Variants in HAS1 observed in about 807,000 individuals in gnomAD.
HAS1 encodes the protein HA synthase 1.
Under a neutral mutation model 35.0 loss-of-function variants are expected in HAS1, and 27 were observed. The observed-to-expected ratio is 0.77, with a 90% CI of 0.57 to 1.06. The LOEUF (loss-of-function observed/expected upper bound fraction) is 1.06, where lower values mean the gene tolerates loss of function less well. HAS1 is among the 50% of genes least tolerant of loss of function. The pLI is 0.00. For synonymous variants in HAS1, 409 were observed against 371.2 expected, an observed-to-expected ratio of 1.10 and a Z score of -1.17; for missense variants, 940 against 814.8, an observed-to-expected ratio of 1.15 and a Z score of -1.87.
rs1484663502 is a variant in HAS1, at chr19:51,713,889, C to A, written c.1272G>T (p.Ala424=). 3 of 1,606,230 alleles carry A rather than the reference C, an allele frequency of 1.9e-6. No homozygotes were observed. The highest frequency in any genetic ancestry group is 3.3e-5 in the Admixed American group (2 of 59,988). The change falls in exon 5 of 5, where the codon GCG becomes GCT. Residue 424 remains alanine, a synonymous_variant. Coordinates refer to ENST00000540069, the MANE Select transcript of HAS1 (RefSeq NM_001297436.2). This position sits in a 1 kb window ranked among gnomAD's most constrained non-coding sequence, Gnocchi z 4.5. ...CCCACAGCAGCGCCCAAGGGCGGCC[C>A]GCGTAGAACAGACGCAGCACAGTGG... ...VAATVLRLFY[A]GRPWALLWVL...
intron 1 of HAS1, among the ~76,000 whole-genome samples, chr19:51,720,749 A>G (rs192035370): frequency 1.3e-3 from 191 of 152,204 alleles, no homozygotes; most frequent in Middle Eastern, 6.8e-3. Flanking sequence ...ATGAGCCACC[A>G]AGCCCAGCCT....
chr19:51,717,244 T>C (rs748360163), intron 2 of HAS1, 51 bp from the exon 3 acceptor site: 1 of 1,273,872 alleles, frequency 7.9e-7, no homozygotes, highest in Non-Finnish European at 1.1e-6. Flanking sequence ...ATCAGGCTGA[T>C]GCTTGAGAGG....
Position 51,713,980 on chromosome 19 carries a change from T to A in HAS1, c.1181A>T (p.His394Leu). 1.2e-6 allele frequency: 2 copies of A among 1,613,476 alleles called. No homozygotes were observed. Among genetic ancestry groups the A allele is most frequent in the African/African-American group, 1.3e-5 (1 of 75,056 alleles). ...REWLYNALWW[H>L]RHHAWMTYEA... ...GTAGGTCATCCACGCATGGTGCCGG[T>A]GCCACCAGAGCGCGTTGTACAGCCA... The change falls in exon 5 of 5, where the codon CAC (histidine) becomes CTC (leucine). Residue 394 changes from histidine (H) to leucine (L), a missense_variant. Transcript: ENST00000540069. This position sits in a 1 kb window ranked among gnomAD's most constrained non-coding sequence, Gnocchi z 4.5.
chr19:51,713,635 G>A lies in HAS1; in HGVS notation c.1526C>T (p.Ala509Val), dbSNP rs755181313. The change falls in exon 5 of 5, where the codon GCG becomes GTG. Residue 509 changes from alanine to valine, a missense_variant. Physicochemically the swap from Ala to Val is moderately conservative, Grantham distance 64 (BLOSUM62 0). Coordinates refer to ENST00000540069, the MANE Select transcript of HAS1 (RefSeq NM_001297436.2). This position sits in a 1 kb window ranked among gnomAD's most constrained non-coding sequence, Gnocchi z 4.5. ...YVPLLPLALWALLLLGGLVRS... is the reference protein window; with the variant it reads ...YVPLLPLALWVLLLLGGLVRS... ...GACCAGGCCCCCAAGCAGCAGCAGC[G>A]CCCAGAGCGCCAGGGGCAGCAGAGG... 3 of 1,564,328 alleles carry A rather than the reference G, an allele frequency of 1.9e-6. No homozygotes were observed. Among genetic ancestry groups the A allele is most frequent in the East Asian group, 4.8e-5 (2 of 41,868 alleles).
At position 51,713,673 on chromosome 19, in the gene HAS1, G is replaced by T. The variant is rs774121114; in HGVS notation, c.1488C>A (p.Ala496=). 1.9e-6 allele frequency: 3 copies of T among 1,585,108 alleles called. No individual in the cohort carries two copies. Among genetic ancestry groups the T allele is most frequent in the Non-Finnish European group, 2.6e-6 (3 of 1,167,096 alleles). The change falls in exon 5 of 5, where the codon GCC becomes GCA. Residue 496 remains alanine, a synonymous_variant. Coordinates refer to ENST00000540069, the MANE Select transcript of HAS1 (RefSeq NM_001297436.2). The surrounding 1 kb of genome is among the most constrained non-coding windows in gnomAD (Gnocchi z 4.5). ...GGGGCAGCAGAGGGACGTAGTTAGC[G>T]GCCAGCTTCCGCCGGCCCGAGGTGC... The part of the protein sequence containing the change: ...GWGTSGRRKL[A]ANYVPLLPLA...
In HAS1 at chr19:51,713,635, G is replaced by T. The variant is rs755181313; in HGVS notation, c.1526C>A (p.Ala509Glu). 5 of 1,564,448 alleles carry T rather than the reference G, an allele frequency of 3.2e-6. No homozygotes were observed. In the South Asian group the frequency reaches 5.8e-5, roughly 18 times the overall value. ...GACCAGGCCCCCAAGCAGCAGCAGC[G>T]CCCAGAGCGCCAGGGGCAGCAGAGG... ...YVPLLPLALW[A>E]LLLLGGLVRS... is the part of the protein sequence containing the mutation. The change falls in exon 5 of 5, where the codon GCG (alanine) becomes GAG (glutamate). Residue 509 changes from alanine to glutamate, a missense_variant. Physicochemically the swap from Ala to Glu is moderately radical, Grantham distance 107 (BLOSUM62 -1). Transcript: ENST00000540069. This position sits in a 1 kb window ranked among gnomAD's most constrained non-coding sequence, Gnocchi z 4.5.
intron 1 of HAS1, among the ~76,000 whole-genome samples, chr19:51,723,693 A>C (rs898458312): frequency 3.3e-5 from 5 of 152,168 alleles, no homozygotes; most frequent in Admixed American, 1.3e-4. Context: ...TCTCACCTAC[A>C]TGTACTTGGG....
rs1487935646 is a variant in HAS1, at chr19:51,713,496, C to G, written c.1665G>C (p.Leu555Phe). The change falls in exon 5 of 5, where the codon TTG (leucine) becomes TTC (phenylalanine). Residue 555 changes from leucine to phenylalanine, a missense_variant. Physicochemically the swap from Leu to Phe is conservative, Grantham distance 22. Transcript: ENST00000540069. The surrounding 1 kb of genome is among the most constrained non-coding windows in gnomAD (Gnocchi z 4.5). ...TCCGCACGCCCACCCAGTACAGCGT[C>G]AACATGGCCACCCAGTAGCCCACGT... Reference protein sequence around the residue: ...GAYVGYWVAMLTLYWVGVRRL... With the variant: ...GAYVGYWVAMFTLYWVGVRRL... 8.7e-6 allele frequency: 14 copies of G among 1,605,966 alleles called. No individual in the cohort carries two copies. Among genetic ancestry groups the G allele is most frequent in the African/African-American group, 1.3e-5 (1 of 74,654 alleles).
chr19:51,713,583 G>C lies in HAS1; in HGVS notation c.1578C>G (p.Ala526=). 1.9e-6 allele frequency: 3 copies of C among 1,560,540 alleles called. No homozygotes were observed. Among genetic ancestry groups the C allele is most frequent in the Non-Finnish European group, 1.7e-6 (2 of 1,152,424 alleles). Residue 526 remains alanine (A), a synonymous_variant, in exon 5 of 5, where the codon GCC becomes GCG. Transcript: ENST00000540069. This position sits in a 1 kb window ranked among gnomAD's most constrained non-coding sequence, Gnocchi z 4.5. ...CTGCGCGGGAAGGGCCGCTCCAGTC[G>C]GCCCTGGCCTCGTGTGCTACGCTGC... The part of the protein sequence containing the change: ...LVRSVAHEAR[A]DWSGPSRAAE...
In HAS1 at chr19:51,719,377, C is replaced by T. The variant is rs1362750264; in HGVS notation, c.528G>A (p.Ala176=). Residue 176 remains alanine (A), a synonymous_variant, in exon 2 of 5, where the codon GCG becomes GCA. Coordinates refer to ENST00000540069, the MANE Select transcript of HAS1 (RefSeq NM_001297436.2). The part of the protein sequence containing the change: ...HQPWEPAAAG[A]VGAGAYREVE... ...CCTCCCGATAGGCTCCGGCGCCCAC[C>T]GCGCCCGCCGCCGCGGGTTCCCAGG... The T allele has an allele frequency of 6.3e-7, 1 of 1,587,606 alleles. No individual in the cohort carries two copies. The highest frequency in any genetic ancestry group is 1.4e-5 in the African/African-American group (1 of 74,068).
Position 51,713,664 on chromosome 19 carries a change from G to A in HAS1, c.1497C>T (p.Tyr499=). ...AGAGCGCCAGGGGCAGCAGAGGGAC[G>A]TAGTTAGCGGCCAGCTTCCGCCGGC... The part of the protein sequence containing the change: ...TSGRRKLAAN[Y]VPLLPLALWA... The change falls in exon 5 of 5, where the codon TAC becomes TAT. Residue 499 remains tyrosine, a synonymous_variant. Transcript: ENST00000540069. The surrounding 1 kb of genome is among the most constrained non-coding windows in gnomAD (Gnocchi z 4.5). The A allele has an allele frequency of 6.3e-7, 1 of 1,581,498 alleles. No homozygotes were observed. Among genetic ancestry groups the A allele is most frequent in the Non-Finnish European group, 8.6e-7 (1 of 1,165,082 alleles).
At chr19:51,716,416 G>A (rs773631391) in intron 3 of HAS1, 28 bp from the exon 4 acceptor site, 1 of 1,590,224 alleles carries the variant, frequency 6.3e-7, no homozygotes, top group Non-Finnish European at 8.6e-7. Flanking sequence ...GTGAAAGAGT[G>A]TCAGCCTCTG....
intron 2 of HAS1, among the ~76,000 whole-genome samples, chr19:51,717,693 T>C (rs1202846642): frequency 2.6e-5 from 4 of 152,308 alleles, no homozygotes; most frequent in Non-Finnish European, 4.4e-5. Flanking sequence ...ATGAGTTCTA[T>C]GGCTGCAAGA....
chr19:51,717,187 C>G lies in HAS1; in HGVS notation c.706G>C (p.Asp236His), dbSNP rs376113074. The change falls in exon 3 of 5, where the codon GAC becomes CAC. Residue 236 changes from aspartate to histidine, a missense_variant. By Grantham distance (81) the Asp-to-His change is moderately conservative (BLOSUM62 -1). Coordinates refer to ENST00000540069, the MANE Select transcript of HAS1 (RefSeq NM_001297436.2). The stretch of plus-strand genomic sequence containing the variant: ...ATGGGGTCCAACCTTGTGTCCGAGT[C>G]ACAGACCTGTAAGGTGGAAGGGGCC... ...GDSVDYVQVCDSDTRLDPMAL... is the reference protein window; with the variant it reads ...GDSVDYVQVCHSDTRLDPMAL... 36 of 1,610,014 alleles carry G rather than the reference C, an allele frequency of 2.2e-5. No homozygotes were observed. Among genetic ancestry groups the G allele is most frequent in the Non-Finnish European group, 2.7e-5 (32 of 1,177,638 alleles).
chr19:51,721,584 C>T (rs2122274727), intron 1 of HAS1, among the ~76,000 whole-genome samples: 1 of 152,116 alleles, frequency 6.6e-6, no homozygotes, highest in African/African-American at 2.4e-5. Context: ...TCGAGATTAG[C>T]CTGGCTAACA....
In HAS1 at chr19:51,723,938, G is replaced by A; in HGVS notation, c.-5C>T. ...ACACACACACACCTGTCTCATCGCA[G>A]TGGGTCTGGCCGGGCTCTCTCTTCT... On this transcript the variant is annotated 5_prime_UTR_variant, in exon 1 of 5. Coordinates refer to ENST00000540069, the MANE Select transcript of HAS1 (RefSeq NM_001297436.2). 1.3e-6 allele frequency: 2 copies of A among 1,499,038 alleles called. No homozygotes were observed. Among genetic ancestry groups the A allele is most frequent in the Non-Finnish European group, 1.8e-6 (2 of 1,124,102 alleles). 92.9% of individuals were successfully genotyped at this position (1,499,038 alleles called of 1,614,324 possible).
intron 1 of HAS1, among the ~76,000 whole-genome samples, chr19:51,722,029 T>C (rs903492233): frequency 6.6e-6 from 1 of 152,194 alleles, no homozygotes; most frequent in African/African-American, 2.4e-5. Context: ...GAAGTAAAAC[T>C]CAGGCAGTCT....
Position 51,719,383 on chromosome 19 carries a change from C to T in HAS1, c.522G>A (p.Ala174=), listed in dbSNP as rs1372606981. Residue 174 remains alanine, a synonymous_variant, in exon 2 of 5, where the codon GCG becomes GCA. Coordinates refer to ENST00000540069, the MANE Select transcript of HAS1 (RefSeq NM_001297436.2). ...GATAGGCTCCGGCGCCCACCGCGCC[C>T]GCCGCCGCGGGTTCCCAGGGCTGGT... ...NYHQPWEPAA[A]GAVGAGAYRE... is the part of the protein sequence containing the mutation. 6.3e-7 allele frequency: 1 copy of T among 1,584,362 alleles called. No individual in the cohort carries two copies. Among genetic ancestry groups the T allele is most frequent in the East Asian group, 2.3e-5 (1 of 42,888 alleles).
chr19:51,722,524 C>T (rs924609548), intron 1 of HAS1, among the ~76,000 whole-genome samples: 11 of 152,234 alleles, frequency 7.2e-5, no homozygotes, highest in South Asian at 2.1e-4. Flanking sequence ...TAGCAGGGGT[C>T]GGCATGCTAA....
Sources: gnomAD v4.1 joint callset for allele counts (sites outside exome capture counted in the v4.1 genomes callset) on GRCh38, gnomAD v4.1.1 for gene constraint, Gnocchi (gnomAD v3.1) non-coding constraint, MANE v1.5 for transcripts, NCBI Gene and HGNC (gene_info 2026-07-23, HGNC 2026-07-21) for gene names.